The following ZNF675 variants were observed in gnomAD, a reference collection of about 807,000 sequenced individuals.
The protein encoded by ZNF675 is zinc finger protein 675.
ZNF675 carries 36 observed loss-of-function variants against 56.1 expected under a neutral mutation model. That is an observed-to-expected ratio of 0.64 (90% CI 0.49 to 0.85). ZNF675 has a LOEUF of 0.85. Among genes scored for constraint, ZNF675 ranks in the 40% least tolerant of loss-of-function variants. The pLI, the probability that ZNF675 is intolerant of heterozygous loss-of-function variation, is 0.00. For missense variants in ZNF675, 663 were observed against 654.2 expected (o/e 1.01, Z -0.15); for synonymous variants, 200 against 218.9 (o/e 0.91, Z 0.76).
rs560814013 is a variant in ZNF675 at position 23,669,031 on chromosome 19, C to T, written c.4-5873G>A. 5.7e-4 allele frequency among the ~76,000 whole-genome samples: 87 copies of T among 152,338 alleles called. 1 individual carries two copies. The highest frequency in any genetic ancestry group is 1.1e-3 in the Non-Finnish European group (74 of 68,030). On this transcript the variant is annotated intron_variant, in intron 1 of 3. Transcript: ENST00000359788. Reference sequence around the variant, plus strand: ...AGTGCCGCCAAAGTAGGAGCCCAGGCAGAGGAGGCGCCGAGAGCAAGCGAG... The same window carrying T: ...AGTGCCGCCAAAGTAGGAGCCCAGGTAGAGGAGGCGCCGAGAGCAAGCGAG...
chr19:23,681,689 G>A (rs1028659241), intron 1 of ZNF675, among the ~76,000 whole-genome samples: 4 of 151,792 alleles, frequency 2.6e-5, no homozygotes, highest in African/African-American at 9.7e-5. Context: ...TACTGCAGAT[G>A]CCAGTCACAA....
At chr19:23,673,708 A>G (rs1654413183) in intron 1 of ZNF675, among the ~76,000 whole-genome samples, 1 of 152,182 alleles carries the variant, frequency 6.6e-6, no homozygotes, top group Non-Finnish European at 1.5e-5. Context: ...GCATTAGGAC[A>G]TATATCTAAT....
At position 23,653,745 on chromosome 19, in the gene ZNF675, G is replaced by A. The variant is rs551037007; in HGVS notation, c.1188C>T (p.Tyr396=). The A allele has an allele frequency of 1.2e-6, 2 of 1,613,864 alleles. No individual in the cohort carries two copies. Among genetic ancestry groups the A allele is most frequent in the African/African-American group, 1.3e-5 (1 of 75,030 alleles). Residue 396 remains tyrosine, a synonymous_variant, in exon 4 of 4, where the codon TAC becomes TAT. Coordinates refer to ENST00000359788, the MANE Select transcript of ZNF675 (RefSeq NM_138330.3). ...HRKIHTEEKP[Y]KCKECGKAFK... ...AAGCTTTGCCACATTCTTTACATTT[G>A]TAGGGTTTCTCTTCGGTATGAATTT...
chr19:23,669,488 G>T (rs569039184), intron 1 of ZNF675, among the ~76,000 whole-genome samples: 6 of 9,520 alleles, frequency 6.3e-4, no homozygotes, highest in African/African-American at 7.9e-4. Context: ...CGGTGGTGGG[G>T]GGGTGGGGGG....
chr19:23,685,576 A>T (rs1968432856), intron 1 of ZNF675, among the ~76,000 whole-genome samples: 2 of 152,220 alleles, frequency 1.3e-5, no homozygotes, highest in Non-Finnish European at 2.9e-5. Flanking sequence ...GAAGATTTTT[A>T]AAAATGAGGC....
At position 23,654,217 on chromosome 19, in the gene ZNF675, T is replaced by G; in HGVS notation, c.716A>C (p.Gln239Pro). The G allele has an allele frequency of 6.2e-7, 1 of 1,614,042 alleles. No individual in the cohort carries two copies. Among genetic ancestry groups the G allele is most frequent in the Non-Finnish European group, 8.5e-7 (1 of 1,179,974 alleles). The part of the protein sequence containing the change: ...KCQECDRTFN[Q>P]FSNLTEYKKD... The stretch of plus-strand genomic sequence containing the variant: ...TTTATATTCAGTAAGGTTTGAGAAT[T>G]GGTTAAAAGTTCTGTCACATTCTTG... Residue 239 changes from glutamine (Q) to proline (P), a missense_variant, in exon 4 of 4, where the codon CAA (glutamine) becomes CCA (proline). This residue lies in a region of ZNF675 where 617 missense variants were observed against 590.5 expected (regional missense o/e 1.04). Transcript: ENST00000359788.
At chr19:23,671,846 G>A (rs1968230346) in intron 1 of ZNF675, among the ~76,000 whole-genome samples, 1 of 151,990 alleles carries the variant, frequency 6.6e-6, no homozygotes, top group African/African-American at 2.4e-5. Flanking sequence ...TTTCACCTAA[G>A]TACCAGGAAA....
intron 1 of ZNF675, among the ~76,000 whole-genome samples, chr19:23,674,436 A>G (rs910637862): frequency 1.3e-5 from 2 of 151,408 alleles, no homozygotes; most frequent in Non-Finnish European, 2.9e-5. Context: ...TGAGGTCAGG[A>G]GTTCAAGACC....
intron 1 of ZNF675, among the ~76,000 whole-genome samples, chr19:23,669,115 T>C (rs1181490830): frequency 3.3e-5 from 5 of 152,184 alleles, no homozygotes; most frequent in African/African-American, 1.2e-4. Context: ...TTCTCCTTTT[T>C]CAGTCTTTCA....
At chr19:23,664,673 G>T (rs148666796) in intron 1 of ZNF675, among the ~76,000 whole-genome samples, 1 of 152,274 alleles carries the variant, frequency 6.6e-6, no homozygotes, top group East Asian at 1.9e-4. Flanking sequence ...CAACATGGGC[G>T]GGAACAGTGG....
chr19:23,658,139 T>A (rs1243939052), intron 3 of ZNF675, among the ~76,000 whole-genome samples: 1 of 151,898 alleles, frequency 6.6e-6, no homozygotes, highest in Non-Finnish European at 1.5e-5. Context: ...GGCTGGCAGA[T>A]CACAAGTTCA....
chr19:23,658,918 G>GAT (rs1424644449), intron 3 of ZNF675, among the ~76,000 whole-genome samples: 1 of 7,210 alleles, frequency 1.4e-4, no homozygotes, highest in Non-Finnish European at 3.6e-4. Context: ...GATAGATATA[G>GAT]ATCTATAGAT....
chr19:23,682,404 A>T (rs962156155), intron 1 of ZNF675, among the ~76,000 whole-genome samples: 6 of 151,736 alleles, frequency 4.0e-5, no homozygotes, highest in Non-Finnish European at 5.9e-5. Flanking sequence ...TGGAATTAAA[A>T]TTTTTTTTAC....
intron 1 of ZNF675, among the ~76,000 whole-genome samples, chr19:23,684,173 A>G (rs913166516): frequency 6.6e-6 from 1 of 151,640 alleles, no homozygotes; most frequent in African/African-American, 2.4e-5. Flanking sequence ...GAGGCAGGAG[A>G]ATGGCTTGAA....
chr19:23,662,997 A>C (rs766316684), intron 2 of ZNF675, 35 bp downstream of exon 2: 43 of 1,535,242 alleles, frequency 2.8e-5, no homozygotes, highest in South Asian at 4.9e-5. Context: ...GAAAAACAAA[A>C]AAAAAAAGAA....
chr19:23,660,431 A>C (rs1459653546), intron 3 of ZNF675, among the ~76,000 whole-genome samples: 1 of 152,228 alleles, frequency 6.6e-6, no homozygotes, highest in Non-Finnish European at 1.5e-5. Context: ...GAAGACACAT[A>C]AGTAAAAAGT....
intron 1 of ZNF675, among the ~76,000 whole-genome samples, chr19:23,678,452 T>C (rs541797509): frequency 4.8e-4 from 73 of 150,880 alleles, no homozygotes; most frequent in Non-Finnish European, 1.3e-4. Flanking sequence ...GGTTTCACCA[T>C]GTTGGCCAGG....
chr19:23,660,669 A>T (rs1968064119), intron 3 of ZNF675, among the ~76,000 whole-genome samples: 1 of 152,168 alleles, frequency 6.6e-6, no homozygotes, highest in East Asian at 1.9e-4. Flanking sequence ...ACAGTGAGAG[A>T]TATCAGTGAA....
chr19:23,658,908 G>GATCTAGATCTATAGATATCT (rs1568289217), intron 3 of ZNF675, among the ~76,000 whole-genome samples: 59 of 25,218 alleles, frequency 2.3e-3, no homozygotes, highest in Admixed American at 8.0e-3. Flanking sequence ...GATATCTATA[G>GATCTAGATCTATAGATATCT]ATAGATATAG....
Sources: allele counts gnomAD v4.1 joint callset (sites outside exome capture counted in the v4.1 genomes callset), GRCh38; gene constraint gnomAD v4.1.1; regional missense constraint gnomAD v4.1.1; transcripts MANE v1.5; gene names NCBI Gene and HGNC (gene_info 2026-07-23, HGNC 2026-07-21).